The following TMEM154 variants were observed in gnomAD, a reference collection of about 807,000 sequenced individuals.
TMEM154 encodes the protein transmembrane protein 154.
TMEM154 carries 27 observed loss-of-function variants against 24.5 expected under a neutral mutation model. The ratio of observed to expected loss-of-function variants is 1.10; its 90% confidence interval spans 0.81 to 1.52. The LOEUF is 1.52. Among genes scored for constraint, TMEM154 ranks in the 40% most tolerant of loss-of-function variants. TMEM154 has a pLI of 0.00. For missense variants in TMEM154, 228 were observed against 213.4 expected, an observed-to-expected ratio of 1.07 and a Z score of -0.43; for synonymous variants, 67 against 76.8, an observed-to-expected ratio of 0.87 and a Z score of 0.67.
In TMEM154 at chr4:152,624,029, A is replaced by G. The variant is rs1466317141; in HGVS notation, c.*4517T>C. ...CCAAGCCTTCTGTACCTGAAGTCCAATTGTAAAAAAAACCCCAAAGCCCAT... is the reference window on the plus strand; with the variant it reads ...CCAAGCCTTCTGTACCTGAAGTCCAGTTGTAAAAAAAACCCCAAAGCCCAT... On this transcript the variant is annotated 3_prime_UTR_variant, in exon 7 of 7. Transcript: ENST00000304385. 2.6e-5 allele frequency: 4 copies of G among 152,198 alleles called. No homozygotes were observed. Among genetic ancestry groups the G allele is most frequent in the African/African-American group, 9.7e-5 (4 of 41,438 alleles). 9.4% of individuals were successfully genotyped at this position (152,198 alleles called of 1,614,324 possible).
At chr4:152,667,597 A>G (rs1728745404) in intron 1 of TMEM154, among the ~76,000 whole-genome samples, 1 of 152,264 alleles carries the variant, frequency 6.6e-6, no homozygotes, top group African/African-American at 2.4e-5. Flanking sequence ...TTCACCTAAT[A>G]TGTTTTTTCT....
intron 1 of TMEM154, 79 bp downstream of exon 1, chr4:152,679,791 G>A: frequency 6.5e-7 from 1 of 1,548,372 alleles, no homozygotes. Context: ...CACCCTCCCC[G>A]GCAGAGTTCT....
rs745321491 is a variant in TMEM154, at chr4:152,652,758, C to G, written c.234G>C (p.Leu78=). ...ATAAAATCAATGGGATTAACACCAT[C>G]AGTATAAACTCTAACTGATTTTCAT... is the stretch of plus-strand genomic sequence containing the variant. ...APDENQLEFI[L]MVLIPLILLV... Residue 78 remains leucine, a synonymous_variant, in exon 2 of 7, where the codon CTG becomes CTC. Coordinates refer to ENST00000304385, the MANE Select transcript of TMEM154 (RefSeq NM_152680.3). 6.2e-7 allele frequency: 1 copy of G among 1,614,004 alleles called. No homozygotes were observed. The highest frequency in any genetic ancestry group is 8.5e-7 in the Non-Finnish European group (1 of 1,179,976).
chr4:152,667,268 A>T (rs1304133236), intron 1 of TMEM154, among the ~76,000 whole-genome samples: 2 of 152,240 alleles, frequency 1.3e-5, no homozygotes, highest in Non-Finnish European at 2.9e-5. Context: ...CCTTTCTGTC[A>T]TACATACACG....
chr4:152,678,552 G>C (rs2149792797), intron 1 of TMEM154, among the ~76,000 whole-genome samples: 1 of 150,256 alleles, frequency 6.7e-6, no homozygotes. Flanking sequence ...GGGCAGTGGT[G>C]GTGGGGGGTG....
rs1280390583 is a variant in TMEM154, at chr4:152,661,245, T to A, written c.65-8318A>T. Among the ~76,000 whole-genome samples, 8 of 149,012 alleles carry A rather than the reference T, an allele frequency of 5.4e-5. 1 individual carries two copies. The highest frequency in any genetic ancestry group is 5.9e-5 in the Non-Finnish European group (4 of 67,440). ...TCATTTGCTCTCTCAGATTCTCTAG[T>A]GGCTATTTAAATAAATGAGAATCAA... On this transcript the variant is annotated intron_variant, in intron 1 of 6. Transcript: ENST00000304385.
chr4:152,634,050 A>G (rs1752101644), intron 6 of TMEM154, among the ~76,000 whole-genome samples: 1 of 151,226 alleles, frequency 6.6e-6, no homozygotes, highest in African/African-American at 2.4e-5. Context: ...AAAAAAAAAA[A>G]AAAAAAAGAA....
chr4:152,647,164 T>C lies in TMEM154; in HGVS notation c.365-2722A>G, dbSNP rs1728264955. The C allele has an allele frequency of 3.1e-6, 3 of 982,568 alleles. No individual in the cohort carries two copies. The South Asian group carries it at 1.4e-4, about 46-fold the overall frequency. The allele number at this position is 982,568 out of a possible 1,614,324, so 60.9% of individuals were successfully genotyped here. A position where few individuals can be genotyped will look rare whatever the true frequency, so the allele number is the denominator to read the frequency against. On this transcript the variant is annotated intron_variant, in intron 3 of 6. Coordinates refer to ENST00000304385, the MANE Select transcript of TMEM154 (RefSeq NM_152680.3). Reference sequence around the variant, plus strand: ...TTTAAAGACTTATTTCCTAGTATAGTATAACAGACCAGGCTCTACCCAAGT... The same window carrying C: ...TTTAAAGACTTATTTCCTAGTATAGCATAACAGACCAGGCTCTACCCAAGT...
chr4:152,640,019 C>T (rs780896975), intron 6 of TMEM154, among the ~76,000 whole-genome samples: 6 of 152,132 alleles, frequency 3.9e-5, no homozygotes, highest in Non-Finnish European at 8.8e-5. Flanking sequence ...CATCTGACTG[C>T]CCCCAACCAT....
Position 152,628,336 on chromosome 4 carries a change from CT to C in TMEM154, c.*209del. Reference sequence around the variant, plus strand: ...AGGCAGCGATGGATGGCAGCCAGGCCTTTTCCTAGTACTTCTCAATTGCACA... The same window carrying C: ...AGGCAGCGATGGATGGCAGCCAGGCCTTTCCTAGTACTTCTCAATTGCACA... On this transcript the variant is annotated 3_prime_UTR_variant, in exon 7 of 7. Coordinates refer to ENST00000304385, the MANE Select transcript of TMEM154 (RefSeq NM_152680.3). The C allele has an allele frequency of 4.9e-6, 4 of 824,546 alleles. No individual in the cohort carries two copies. Among genetic ancestry groups the C allele is most frequent in the Non-Finnish European group, 7.7e-6 (4 of 517,896 alleles). The allele number at this position is 824,546 out of a possible 1,614,324, so 51.1% of individuals were successfully genotyped here. A position where few individuals can be genotyped will look rare whatever the true frequency, so the allele number is the denominator to read the frequency against.
rs574584657 is a variant in TMEM154 at position 152,621,412 on chromosome 4, G to T, written c.*7134C>A. On this transcript the variant is annotated 3_prime_UTR_variant, in exon 7 of 7. Coordinates refer to ENST00000304385, the MANE Select transcript of TMEM154 (RefSeq NM_152680.3). ...CTAACTGATCCACATGATGAATGCT[G>T]GTCAAGATGCATCCTTTCCCTAACT... 2.3e-4 allele frequency: 35 copies of T among 152,336 alleles called. No individual in the cohort carries two copies. Among genetic ancestry groups the T allele is most frequent in the African/African-American group, 7.2e-4 (30 of 41,582 alleles). The allele number at this position is 152,336 out of a possible 1,614,324, so 9.4% of individuals were successfully genotyped here. A position where few individuals can be genotyped will look rare whatever the true frequency, so the allele number is the denominator to read the frequency against.
At chr4:152,653,993 C>T (rs1177908684) in intron 1 of TMEM154, among the ~76,000 whole-genome samples, 2 of 151,330 alleles carry the variant, frequency 1.3e-5, no homozygotes, top group Admixed American at 6.6e-5. Flanking sequence ...CAGCCAAGAT[C>T]GCGCCATTGC....
intron 6 of TMEM154, among the ~76,000 whole-genome samples, chr4:152,634,731 A>C (rs1194181678): frequency 1.2e-4 from 18 of 152,216 alleles, no homozygotes; most frequent in Admixed American, 1.2e-3. Context: ...GCAGGATTAT[A>C]AACTGTTACT....
intron 1 of TMEM154, among the ~76,000 whole-genome samples, chr4:152,678,525 C>T (rs116281211): frequency 0.24 from 2,531 of 10,610 alleles, 68 homozygotes; most frequent in African/African-American, 0.38. Flanking sequence ...GGTTCCGGGG[C>T]GGCGGTGGGG....
At chr4:152,647,267 T>C in intron 3 of TMEM154, 1 of 985,330 alleles carries the variant, frequency 1.0e-6, no homozygotes, top group African/African-American at 1.7e-5. Context: ...CTATAAAGCA[T>C]TTCTGTGGGA....
chr4:152,632,661 T>C (rs1238254737), intron 6 of TMEM154, among the ~76,000 whole-genome samples: 1 of 152,184 alleles, frequency 6.6e-6, no homozygotes, highest in East Asian at 1.9e-4. Flanking sequence ...ATCACCTGCA[T>C]TTTTTCAGTT....
intron 5 of TMEM154, among the ~76,000 whole-genome samples, chr4:152,641,903 CTTTTTTTTTTTT>C (rs780465309): frequency 4.1e-4 from 17 of 41,474 alleles, no homozygotes; most frequent in South Asian, 1.2e-3. Flanking sequence ...AGCAATAATT[CTTTTTTTTTTTT>C]TTTTTTTTTT....
chr4:152,641,519 A>C (rs1274850051), intron 5 of TMEM154: 1 of 152,338 alleles, frequency 6.6e-6, no homozygotes, highest in Non-Finnish European at 1.5e-5. Context: ...GTTGTCAAAT[A>C]GAAATGCCTT....
At chr4:152,661,284 T>TCTC (rs1728596176) in intron 1 of TMEM154, among the ~76,000 whole-genome samples, 6 of 63,408 alleles carry the variant, frequency 9.5e-5, no homozygotes, top group Admixed American at 2.3e-4. Flanking sequence ...ATTGTTCTCT[T>TCTC]TCTCTCTCTC....
Sources: gnomAD v4.1 joint callset for allele counts (sites outside exome capture counted in the v4.1 genomes callset) on GRCh38, gnomAD v4.1.1 for gene constraint, MANE v1.5 for transcripts, NCBI Gene and HGNC (gene_info 2026-07-23, HGNC 2026-07-21) for gene names.